Variants in JAKMIP2 observed in about 807,000 individuals in gnomAD.
The protein encoded by JAKMIP2 is janus kinase and microtubule interacting protein 2.
Under a neutral mutation model 115.0 loss-of-function variants are expected in JAKMIP2, and 25 were observed. That is an observed-to-expected ratio of 0.22 (90% confidence interval 0.16 to 0.30). JAKMIP2 has a LOEUF of 0.30. Ranked by LOEUF, JAKMIP2 falls within the 10% of genes least tolerant of loss-of-function variation. The pLI is 1.00. For synonymous variants in JAKMIP2, 334 were observed against 343.6 expected (o/e 0.97, Z 0.31); for missense variants, 642 against 957.6 (o/e 0.67, Z 4.35).
At chr5:147,684,283 C>G (rs2126841654) in intron 1 of JAKMIP2, among the ~76,000 whole-genome samples, 1 of 143,282 alleles carries the variant, frequency 7.0e-6, no homozygotes, top group African/African-American at 2.7e-5. Flanking sequence ...CCTGCATATT[C>G]TAAGTGCCAG....
intron 1 of JAKMIP2, among the ~76,000 whole-genome samples, chr5:147,730,383 C>G (rs1277678305): frequency 1.3e-5 from 2 of 152,066 alleles, no homozygotes; most frequent in Non-Finnish European, 2.9e-5. Flanking sequence ...TCTGATCACC[C>G]TCAATATATG....
At chr5:147,668,297 A>G (rs1759402250) in intron 2 of JAKMIP2, among the ~76,000 whole-genome samples, 1 of 152,070 alleles carries the variant, frequency 6.6e-6, no homozygotes, top group Non-Finnish European at 1.5e-5. Context: ...TCTGAGGGAG[A>G]GTAAAAAGCC....
At chr5:147,598,423 T>TCCA (rs1755509204) in intron 21 of JAKMIP2, among the ~76,000 whole-genome samples, 1 of 130,154 alleles carries the variant, frequency 7.7e-6, no homozygotes, top group African/African-American at 2.9e-5. Flanking sequence ...CGCTCTCATT[T>TCCA]TCATCTATCT....
At chr5:147,752,723 G>T (rs1410722092) in intron 1 of JAKMIP2, among the ~76,000 whole-genome samples, 2 of 152,134 alleles carry the variant, frequency 1.3e-5, no homozygotes, top group East Asian at 3.9e-4. Context: ...GGGAGATGGA[G>T]AGATCTAGGA....
intron 20 of JAKMIP2, among the ~76,000 whole-genome samples, chr5:147,603,474 T>G (rs1755821134): frequency 6.6e-6 from 1 of 152,178 alleles, no homozygotes; most frequent in Non-Finnish European, 1.5e-5. Flanking sequence ...ATATTACATG[T>G]ACCCTGAGTG....
chr5:147,664,341 T>G (rs1167405370), intron 2 of JAKMIP2, among the ~76,000 whole-genome samples: 1 of 152,150 alleles, frequency 6.6e-6, no homozygotes, highest in East Asian at 1.9e-4. Context: ...GAATAAAATC[T>G]CAACAGCCCA....
chr5:147,742,155 A>ATATATATATATATAT, intron 1 of JAKMIP2, among the ~76,000 whole-genome samples: 12 of 108,880 alleles, frequency 1.1e-4, no homozygotes, highest in Admixed American at 3.9e-4. Flanking sequence ...ATATATATAT[A>ATATATATATATATAT]TTTTTTTTAC....
At chr5:147,672,864 T>C (rs771337913) in intron 1 of JAKMIP2, among the ~76,000 whole-genome samples, 9 of 152,186 alleles carry the variant, frequency 5.9e-5, no homozygotes, top group Admixed American at 3.9e-4. Context: ...AAATAGGGCC[T>C]GATTAATTAC....
chr5:147,771,638 C>A (rs1755361064), intron 1 of JAKMIP2, among the ~76,000 whole-genome samples: 1 of 152,004 alleles, frequency 6.6e-6, no homozygotes. Context: ...CGTATGCATT[C>A]ATAGTTTAGG....
intron 10 of JAKMIP2, 38 bp from the exon 11 acceptor site, chr5:147,637,086 TG>T (rs1273304425): frequency 1.2e-6 from 1 of 856,574 alleles, no homozygotes; most frequent in African/African-American, 1.7e-5. Context: ...GCAAGTAAAA[TG>T]GTTATTCAAT....
intron 1 of JAKMIP2, among the ~76,000 whole-genome samples, chr5:147,707,884 A>G (rs868037036): frequency 1.6e-4 from 24 of 152,200 alleles, no homozygotes; most frequent in Admixed American, 3.9e-4. Flanking sequence ...AGGACAGAAT[A>G]TAAGTGTTTT....
chr5:147,612,401 A>G (rs1198332072), intron 19 of JAKMIP2, 30 bp from the exon 20 acceptor site: 2 of 1,343,832 alleles, frequency 1.5e-6, no homozygotes, highest in South Asian at 1.2e-5. Context: ...GAAAGAAAGC[A>G]TCAGTAGGTG....
At chr5:147,609,124 T>TA (rs986988919) in intron 20 of JAKMIP2, among the ~76,000 whole-genome samples, 1 of 152,210 alleles carries the variant, frequency 6.6e-6, no homozygotes, top group Admixed American at 6.5e-5. Flanking sequence ...TTTGACTTTT[T>TA]ATCCAATTTG....
chr5:147,685,880 T>C (rs1434622550), intron 1 of JAKMIP2, among the ~76,000 whole-genome samples: 1 of 152,202 alleles, frequency 6.6e-6, no homozygotes, highest in Non-Finnish European at 1.5e-5. Context: ...TTTCTATAAT[T>C]GTATAGCTTC....
At chr5:147,662,044 C>CT (rs56892721) in intron 2 of JAKMIP2, 3,835 of 132,474 alleles carry the variant, frequency 0.029, 115 homozygotes, top group African/African-American at 0.082. Context: ...CTTTTCTTTT[C>CT]TTTTTTTTTT....
chr5:147,655,204 T>C (rs1758618596), intron 3 of JAKMIP2, among the ~76,000 whole-genome samples: 1 of 152,222 alleles, frequency 6.6e-6, no homozygotes. Context: ...ATCAGGATGA[T>C]GCTGGCCCCA....
rs373484477 is a variant in JAKMIP2 at position 147,731,926 on chromosome 5, C to T, written c.-149+50530G>A. Reference sequence around the variant, plus strand: ...TTGTTCTGGGTATTTGATATTCAGACGATGTATCAAGAATTTGAGCCTTGG... The same window carrying T: ...TTGTTCTGGGTATTTGATATTCAGATGATGTATCAAGAATTTGAGCCTTGG... On this transcript the variant is annotated intron_variant, in intron 1 of 21. Coordinates refer to ENST00000616793, the MANE Select transcript of JAKMIP2 (RefSeq NM_001270941.2). 6.9e-4 allele frequency among the ~76,000 whole-genome samples: 105 copies of T among 152,268 alleles called. 4 individuals carry two copies. In the South Asian group the frequency reaches 0.021, roughly 31 times the overall value.
At chr5:147,771,506 C>G (rs554804977) in intron 1 of JAKMIP2, among the ~76,000 whole-genome samples, 1 of 152,118 alleles carries the variant, frequency 6.6e-6, no homozygotes, top group South Asian at 2.1e-4. Context: ...AAAAAGTAAA[C>G]TGACACATCT....
Position 147,620,671 on chromosome 5 carries a change from A to G in JAKMIP2, c.2137T>C (p.Tyr713His), listed in dbSNP as rs761657532. The part of the protein sequence containing the change: ...DYRKQALDQA[Y>H]MRIQELEATL... Reference sequence around the variant, plus strand: ...CTATCACTTGTTGTACCTACCATATATGCTTGGTCAAGAGCTTGTTTTCTG... The same window carrying G: ...CTATCACTTGTTGTACCTACCATATGTGCTTGGTCAAGAGCTTGTTTTCTG... The change falls in exon 18 of 22, where the codon TAT (tyrosine) becomes CAT (histidine). Residue 713 changes from tyrosine (Y) to histidine (H), a missense_variant. Physicochemically the swap from Tyr to His is moderately conservative, Grantham distance 83. Transcript: ENST00000616793. 6.2e-7 allele frequency: 1 copy of G among 1,611,526 alleles called. No individual in the cohort carries two copies. Among genetic ancestry groups the G allele is most frequent in the Non-Finnish European group, 8.5e-7 (1 of 1,177,802 alleles).
Sources: allele counts gnomAD v4.1 joint callset (sites outside exome capture counted in the v4.1 genomes callset), GRCh38; gene constraint gnomAD v4.1.1; transcripts MANE v1.5; gene names NCBI Gene and HGNC (gene_info 2026-07-23, HGNC 2026-07-21).